Variants in BLK observed in about 807,000 individuals in gnomAD.
The protein encoded by BLK is tyrosine-protein kinase Blk.
In BLK, 64 loss-of-function variants were observed where a neutral mutation model predicts 61.8. The observed-to-expected ratio is 1.03, with a 90% CI of 0.85 to 1.27. The LOEUF (loss-of-function observed/expected upper bound fraction) is 1.27, where lower values mean the gene tolerates loss of function less well. BLK is among the 50% of genes most tolerant of loss of function. BLK has a pLI of 0.00. For synonymous variants in BLK, 351 were observed against 272.0 expected, an observed-to-expected ratio of 1.29 and a Z score of -2.86; for missense variants, 853 against 660.5, an observed-to-expected ratio of 1.29 and a Z score of -3.19.
intron 1 of BLK, among the ~76,000 whole-genome samples, chr8:11,531,706 A>G (rs1563446516): frequency 6.6e-6 from 1 of 152,074 alleles, no homozygotes; most frequent in Non-Finnish European, 1.5e-5. Flanking sequence ...ACTGCGTGCT[A>G]ATTTCTCCCC....
chr8:11,502,965 T>A (rs1798624448), intron 1 of BLK, among the ~76,000 whole-genome samples: 1 of 152,082 alleles, frequency 6.6e-6, no homozygotes, highest in South Asian at 2.1e-4. Context: ...GGTTCGCAAG[T>A]CCCCACTCGC....
At chr8:11,550,485 G>A (rs1237700821) in intron 6 of BLK, among the ~76,000 whole-genome samples, 3 of 152,274 alleles carry the variant, frequency 2.0e-5, no homozygotes, top group Non-Finnish European at 4.4e-5. Context: ...ACAGGAAGCC[G>A]GGTGGACAGG....
At chr8:11,502,806 T>C (rs1478022150) in intron 1 of BLK, among the ~76,000 whole-genome samples, 4 of 152,022 alleles carry the variant, frequency 2.6e-5, no homozygotes, top group Non-Finnish European at 5.9e-5. Context: ...TGGGCTCTCC[T>C]GAGTCCCGAG....
At position 11,556,680 on chromosome 8, in the gene BLK, G is replaced by C; in HGVS notation, c.795G>C (p.Lys265Asn). The C allele has an allele frequency of 6.2e-7, 1 of 1,614,186 alleles. No individual in the cohort carries two copies. Among genetic ancestry groups the C allele is most frequent in the Non-Finnish European group, 8.5e-7 (1 of 1,180,040 alleles). The change falls in exon 9 of 13, where the codon AAG becomes AAC. Residue 265 changes from lysine (K) to asparagine (N), a missense_variant. Coordinates refer to ENST00000259089, the MANE Select transcript of BLK (RefSeq NM_001715.3). Reference protein sequence around the residue: ...VWMGYYKNNMKVAIKTLKEGT... With the variant: ...VWMGYYKNNMNVAIKTLKEGT... ...CAGGTTACTACAAAAACAACATGAA[G>C]GTGGCCATTAAGACGCTGAAGGAGG...
chr8:11,528,955 C>G (rs368866597), intron 1 of BLK, among the ~76,000 whole-genome samples: 1 of 151,894 alleles, frequency 6.6e-6, no homozygotes, highest in Non-Finnish European at 1.5e-5. Flanking sequence ...TATTGGGGAG[C>G]GGGAAGGAGA....
At chr8:11,526,020 G>A (rs748796537) in intron 1 of BLK, among the ~76,000 whole-genome samples, 7 of 152,172 alleles carry the variant, frequency 4.6e-5, no homozygotes, top group African/African-American at 7.2e-5. Flanking sequence ...TGATCTGCCC[G>A]CCTCGGCCTC....
At position 11,515,319 on chromosome 8, in the gene BLK, C is replaced by T. The variant is rs186540912; in HGVS notation, c.-2+20728C>T. On this transcript the variant is annotated intron_variant, in intron 1 of 12. Coordinates refer to ENST00000259089, the MANE Select transcript of BLK (RefSeq NM_001715.3). ...GCTTGACCTCCGTCAGTCTTCATTT[C>T]TTTACCTGTAGAGTGGAGGTCTGGA... 2.2e-3 allele frequency among the ~76,000 whole-genome samples: 332 copies of T among 152,254 alleles called. 1 individual carries two copies. The highest frequency in any genetic ancestry group is 3.6e-3 in the Non-Finnish European group (248 of 68,016).
intron 1 of BLK, chr8:11,509,139 C>G (rs763702445): frequency 1.3e-4 from 20 of 152,042 alleles, no homozygotes; most frequent in Non-Finnish European, 1.6e-4. Flanking sequence ...AAGCTGCTAC[C>G]CCTCCTTTAG....
chr8:11,537,409 C>T (rs1041712698), intron 1 of BLK, among the ~76,000 whole-genome samples: 4 of 152,154 alleles, frequency 2.6e-5, no homozygotes, highest in African/African-American at 9.7e-5. Flanking sequence ...ATGCTACCCA[C>T]CTATGTCTGG....
intron 1 of BLK, 60 bp from the exon 2 acceptor site, chr8:11,543,164 G>C: frequency 6.2e-7 from 1 of 1,610,794 alleles, no homozygotes; most frequent in Non-Finnish European, 8.5e-7. Flanking sequence ...GATCCCCTCT[G>C]TGCAGAGGAT....
chr8:11,548,975 G>T (rs748323111), intron 4 of BLK, 49 bp from the exon 5 acceptor site: 7 of 1,510,616 alleles, frequency 4.6e-6, no homozygotes, highest in South Asian at 1.2e-5. Context: ...GCCCAGTGAC[G>T]GGCCTACAGG....
At chr8:11,538,593 A>G (rs1800232959) in intron 1 of BLK, among the ~76,000 whole-genome samples, 1 of 152,254 alleles carries the variant, frequency 6.6e-6, no homozygotes, top group African/African-American at 2.4e-5. Context: ...ATGTTGTCTC[A>G]GTGGACACAG....
At chr8:11,511,256 A>T (rs1425961973) in intron 1 of BLK, among the ~76,000 whole-genome samples, 1 of 152,174 alleles carries the variant, frequency 6.6e-6, no homozygotes, top group Admixed American at 6.5e-5. Flanking sequence ...GAACACATGG[A>T]CACAGGAAGG....
chr8:11,525,814 G>T (rs889411260), intron 1 of BLK, among the ~76,000 whole-genome samples: 1 of 151,988 alleles, frequency 6.6e-6, no homozygotes, highest in African/African-American at 2.4e-5. Context: ...GCATGATCTC[G>T]GCTCACTGTA....
At chr8:11,522,378 T>A (rs368225241) in intron 1 of BLK, among the ~76,000 whole-genome samples, 1 of 152,176 alleles carries the variant, frequency 6.6e-6, no homozygotes, top group Non-Finnish European at 1.5e-5. Flanking sequence ...GGTGAGAATA[T>A]GGGGAAAATG....
chr8:11,556,693 A>T lies in BLK; in HGVS notation c.808A>T (p.Thr270Ser). The change falls in exon 9 of 13, where the codon ACG (threonine) becomes TCG (serine). Residue 270 changes from threonine (T) to serine (S), a missense_variant. Transcript: ENST00000259089. Reference sequence around the variant, plus strand: ...AAACAACATGAAGGTGGCCATTAAGACGCTGAAGGAGGGAACCATGTCTCC... The same window carrying T: ...AAACAACATGAAGGTGGCCATTAAGTCGCTGAAGGAGGGAACCATGTCTCC... ...YKNNMKVAIK[T>S]LKEGTMSPEA... 5.6e-6 allele frequency: 9 copies of T among 1,614,152 alleles called. No homozygotes were observed. Among genetic ancestry groups the T allele is most frequent in the Non-Finnish European group, 7.6e-6 (9 of 1,180,022 alleles).
intron 6 of BLK, chr8:11,553,250 T>G (rs1801002309): frequency 4.6e-6 from 1 of 216,652 alleles, no homozygotes; most frequent in Non-Finnish European, 9.7e-6. Context: ...AAGCCTCAGT[T>G]TACTGGTGTC....
intron 5 of BLK, among the ~76,000 whole-genome samples, 176 bp downstream of exon 5, chr8:11,549,298 A>G (rs1800798567): frequency 1.3e-5 from 2 of 152,134 alleles, no homozygotes; most frequent in South Asian, 2.1e-4. Flanking sequence ...TCCAGACGAC[A>G]TTCAGACTGC....
rs140076938 is a variant in BLK, at chr8:11,510,517, T to A, written c.-2+15926T>A. On this transcript the variant is annotated intron_variant, in intron 1 of 12. Transcript: ENST00000259089. Reference sequence around the variant, plus strand: ...AAGCTGAGCACAAAATTTGGCATGTTTGTGATAAGTGTATTTTATAGGGAT... The same window carrying A: ...AAGCTGAGCACAAAATTTGGCATGTATGTGATAAGTGTATTTTATAGGGAT... Among the ~76,000 whole-genome samples, 737 of 152,202 alleles carry A rather than the reference T, an allele frequency of 4.8e-3. 3 individuals carry two copies. The highest frequency in any genetic ancestry group is 0.016 in the African/African-American group (664 of 41,516).
Sources: allele counts gnomAD v4.1 joint callset (sites outside exome capture counted in the v4.1 genomes callset), GRCh38; gene constraint gnomAD v4.1.1; transcripts MANE v1.5; gene names NCBI Gene and HGNC (gene_info 2026-07-23, HGNC 2026-07-21).